PCSK5: variants seen among roughly 807,000 people sequenced by gnomAD.
PCSK5 encodes prohormone convertase 5.
A neutral mutation model predicts 233.2 loss-of-function variants in PCSK5; 129 were observed. That is an observed-to-expected ratio of 0.55 (90% CI 0.48 to 0.64). The LOEUF (loss-of-function observed/expected upper bound fraction) is 0.64. PCSK5 is among the 30% of genes least tolerant of loss of function. PCSK5 has a pLI of 0.00. For synonymous variants in PCSK5, 825 were observed against 879.2 expected (o/e 0.94, Z 1.09); for missense variants, 2,076 against 2,430.1 (o/e 0.85, Z 3.06).
Position 76,239,153 on chromosome 9 carries a change from G to C in PCSK5, c.3061G>C (p.Glu1021Gln). The change falls in exon 23 of 38, where the codon GAG (glutamate) becomes CAG (glutamine). Residue 1021 changes from glutamate (E) to glutamine (Q), a missense_variant. Glu to Gln is a conservative substitution (Grantham distance 29). This residue lies in a region of PCSK5 where 1,510 missense variants were observed against 1,538.1 expected (regional missense o/e 0.98). Transcript: ENST00000674117. ...CACCAACCACACATGCCAGAAGTTAGAGTGTGGACAAGGTAAGCCTGCTCC... is the reference window on the plus strand; with the variant it reads ...CACCAACCACACATGCCAGAAGTTACAGTGTGGACAAGGTAAGCCTGCTCC... ...APTNHTCQKL[E>Q]CGQGEVQDPD... The C allele has an allele frequency of 1.3e-6, 2 of 1,582,478 alleles. No individual in the cohort carries two copies. Among genetic ancestry groups the C allele is most frequent in the Non-Finnish European group, 8.6e-7 (1 of 1,164,542 alleles).
At chr9:76,107,462 C>T (rs1295860655) in intron 9 of PCSK5, 111 bp downstream of exon 9, 8 of 550,154 alleles carry the variant, frequency 1.5e-5, no homozygotes, top group East Asian at 3.0e-5. Flanking sequence ...ATATAATCTT[C>T]CCAATCCCAC....
intron 36 of PCSK5, among the ~76,000 whole-genome samples, chr9:76,352,917 C>T (rs1384173063): frequency 6.6e-6 from 1 of 151,536 alleles, no homozygotes; most frequent in Non-Finnish European, 1.5e-5. Flanking sequence ...GACATGGTGG[C>T]ACATGCCTGT....
chr9:76,076,617 T>C (rs1056139419), intron 7 of PCSK5, among the ~76,000 whole-genome samples: 1 of 152,222 alleles, frequency 6.6e-6, no homozygotes, highest in Non-Finnish European at 1.5e-5. Context: ...CCATTCTTTC[T>C]GCAAGCTAAT....
intron 24 of PCSK5, 127 bp downstream of exon 24, chr9:76,240,811 T>A: frequency 1.5e-6 from 1 of 674,558 alleles, no homozygotes; most frequent in Non-Finnish European, 2.7e-6. Context: ...ACCATCAACG[T>A]CTTAAGTAGG....
chr9:76,009,642 A>T (rs1455088884), intron 3 of PCSK5, among the ~76,000 whole-genome samples: 1 of 151,666 alleles, frequency 6.6e-6, no homozygotes, highest in African/African-American at 2.4e-5. Context: ...AAAAAAAAAA[A>T]CAAAAAAGAA....
intron 32 of PCSK5, among the ~76,000 whole-genome samples, chr9:76,325,763 G>A (rs565697475): frequency 1.1e-3 from 174 of 152,190 alleles, no homozygotes; most frequent in African/African-American, 3.8e-3. Context: ...TCAGCTTCCC[G>A]AGTGACTGGG....
At chr9:76,082,697 C>T (rs1351038887) in intron 7 of PCSK5, among the ~76,000 whole-genome samples, 1 of 151,550 alleles carries the variant, frequency 6.6e-6, no homozygotes, top group East Asian at 1.9e-4. Context: ...ATCTAGTTGC[C>T]TTGGAATCAT....
At chr9:76,131,787 C>T (rs1034268983) in intron 9 of PCSK5, among the ~76,000 whole-genome samples, 5 of 152,102 alleles carry the variant, frequency 3.3e-5, no homozygotes, top group African/African-American at 1.2e-4. Context: ...GCCCTGGTGA[C>T]AGGTAACATG....
chr9:75,958,878 A>G (rs763210235), intron 2 of PCSK5, among the ~76,000 whole-genome samples: 7 of 152,228 alleles, frequency 4.6e-5, no homozygotes, highest in Non-Finnish European at 7.3e-5. Context: ...CATTCAATCA[A>G]CACTACACAT....
chr9:75,906,929 C>T (rs1259945526), intron 1 of PCSK5, among the ~76,000 whole-genome samples: 1 of 152,178 alleles, frequency 6.6e-6, no homozygotes, highest in Non-Finnish European at 1.5e-5. Flanking sequence ...AGTCTTTCCA[C>T]CTGAACTATT....
intron 13 of PCSK5, among the ~76,000 whole-genome samples, chr9:76,170,508 TG>T (rs1479201222): frequency 1.3e-5 from 2 of 152,182 alleles, no homozygotes; most frequent in Non-Finnish European, 2.9e-5. Flanking sequence ...CAAGGCAACA[TG>T]GGGTGAGAGA....
At position 76,284,308 on chromosome 9, in the gene PCSK5, G is replaced by C. The variant is rs561737504; in HGVS notation, c.3143-7925G>C. On this transcript the variant is annotated intron_variant, in intron 24 of 37. Coordinates refer to ENST00000674117, the MANE Select transcript of PCSK5 (RefSeq NM_001372043.1). ...ACATGTCAAGGGAGGGACCCGGTGGGGGGTAACTGAATCATGGGGGCAGGT... is the reference window on the plus strand; with the variant it reads ...ACATGTCAAGGGAGGGACCCGGTGGCGGGTAACTGAATCATGGGGGCAGGT... Among the ~76,000 whole-genome samples the C allele has an allele frequency of 6.6e-5, 10 of 152,168 alleles. No individual in the cohort carries two copies. In the East Asian group the frequency reaches 9.7e-4, roughly 15 times the overall value.
At chr9:76,177,761 G>A (rs1024027240) in intron 14 of PCSK5, among the ~76,000 whole-genome samples, 2 of 152,212 alleles carry the variant, frequency 1.3e-5, no homozygotes, top group Non-Finnish European at 1.5e-5. Context: ...TGGTTTTTCT[G>A]ATTATATCTC....
At position 76,027,046 on chromosome 9, in the gene PCSK5, C is replaced by A; in HGVS notation, c.632+9C>A. 6.3e-7 allele frequency: 1 copy of A among 1,588,592 alleles called. No homozygotes were observed. The highest frequency in any genetic ancestry group is 1.1e-5 in the South Asian group (1 of 88,960). The stretch of plus-strand genomic sequence containing the variant: ...GCAAGCAACGAGAACAAGTAAGGCC[C>A]AAGTGAGGGGTGGCTGGCATGTGGC... On this transcript the variant is annotated intron_variant, in intron 5 of 37. Coordinates refer to ENST00000674117, the MANE Select transcript of PCSK5 (RefSeq NM_001372043.1).
At chr9:75,892,384 C>T (rs945471628) in intron 1 of PCSK5, among the ~76,000 whole-genome samples, 1 of 152,196 alleles carries the variant, frequency 6.6e-6, no homozygotes. Flanking sequence ...GAAAGTGGGT[C>T]CCAGAAAGTA....
intron 3 of PCSK5, among the ~76,000 whole-genome samples, chr9:76,002,147 C>T (rs185063705): frequency 1.2e-4 from 19 of 152,178 alleles, no homozygotes; most frequent in Admixed American, 5.9e-4. Flanking sequence ...CTAGAGATAA[C>T]AAGTATGAAA....
rs1240403744 is a variant in PCSK5 at position 76,239,016 on chromosome 9, A to G, written c.2924A>G (p.Glu975Gly). 5 of 1,612,252 alleles carry G rather than the reference A, an allele frequency of 3.1e-6. No homozygotes were observed. In the South Asian group the frequency reaches 5.5e-5, roughly 18 times the overall value. Residue 975 changes from glutamate to glycine, a missense_variant, in exon 23 of 38, where the codon GAG (glutamate) becomes GGG (glycine). Physicochemically the swap from Glu to Gly is moderately conservative, Grantham distance 98. Coordinates refer to ENST00000674117, the MANE Select transcript of PCSK5 (RefSeq NM_001372043.1). Reference sequence around the variant, plus strand: ...GGAGAGTGTGGAGATAGCTGCCCAGAGGGCCACTATGCCACTGAGGGGAAC... The same window carrying G: ...GGAGAGTGTGGAGATAGCTGCCCAGGGGGCCACTATGCCACTGAGGGGAAC... ...YQGECGDSCPEGHYATEGNTC... is the reference protein window; with the variant it reads ...YQGECGDSCPGGHYATEGNTC...
chr9:76,095,955 C>T lies in PCSK5; in HGVS notation c.960C>T (p.His320=), dbSNP rs1334949920. 6.2e-7 allele frequency: 1 copy of T among 1,613,940 alleles called. No individual in the cohort carries two copies. Among genetic ancestry groups the T allele is most frequent in the Non-Finnish European group, 8.5e-7 (1 of 1,179,920 alleles). The change falls in exon 8 of 38, where the codon CAC becomes CAT. Residue 320 remains histidine (H), a synonymous_variant. Transcript: ENST00000674117. ...ASGNGGRSKD[H]CSCDGYTNSI... is the part of the protein sequence containing the mutation. ...GAAATGGTGGAAGGAGCAAAGACCA[C>T]TGCTCCTGTGATGGCTACACCAACA...
At chr9:76,235,525 C>T (rs1206430274) in intron 22 of PCSK5, among the ~76,000 whole-genome samples, 3 of 152,086 alleles carry the variant, frequency 2.0e-5, no homozygotes, top group Admixed American at 2.0e-4. Flanking sequence ...TTATCTTAAA[C>T]ATTTATTGCA....
Sources: gnomAD v4.1 joint callset for allele counts (sites outside exome capture counted in the v4.1 genomes callset) on GRCh38, gnomAD v4.1.1 for gene constraint, gnomAD v4.1.1 regional missense constraint, MANE v1.5 for transcripts, NCBI Gene and HGNC (gene_info 2026-07-23, HGNC 2026-07-21) for gene names.